NCALD: variants seen among roughly 807,000 people sequenced by gnomAD.
The protein encoded by NCALD is neurocalcin delta.
Under a neutral mutation model 18.6 loss-of-function variants are expected in NCALD, and 10 were observed. The ratio of observed to expected loss-of-function variants is 0.54; its 90% CI spans 0.33 to 0.91. The LOEUF (loss-of-function observed/expected upper bound fraction) is 0.91. Ranked by LOEUF, NCALD falls within the 40% of genes least tolerant of loss-of-function variation. The pLI, the probability that NCALD is intolerant of heterozygous loss-of-function variation, is 0.03. For synonymous variants in NCALD, 88 were observed against 87.4 expected, an observed-to-expected ratio of 1.01 and a Z score of -0.04; for missense variants, 184 against 247.6, an observed-to-expected ratio of 0.74 and a Z score of 1.72.
chr8:101,877,060 C>T (rs1040250769), intron 4 of NCALD, among the ~76,000 whole-genome samples: 2 of 152,270 alleles, frequency 1.3e-5, no homozygotes, highest in African/African-American at 2.4e-5. Context: ...AAAAAATAAA[C>T]GAATTAATAA....
Position 101,865,858 on chromosome 8 carries a change from T to C in NCALD, c.-20+21283A>G, listed in dbSNP as rs1815746214. 2.0e-5 allele frequency among the ~76,000 whole-genome samples: 3 copies of C among 152,340 alleles called. No homozygotes were observed. The South Asian group carries it at 6.2e-4, about 32-fold the overall frequency. On this transcript the variant is annotated intron_variant, in intron 4 of 6. Coordinates refer to the NCALD transcript ENST00000311028. ...GAATATCCTTGTGCCTAAAATACTT[T>C]TTTAGGAGCCACAGACTGTCTTATT...
At chr8:102,065,439 A>C (rs10110783) in intron 1 of NCALD, among the ~76,000 whole-genome samples, 34,926 of 152,028 alleles carry the variant, frequency 0.23, 5,414 homozygotes, top group African/African-American at 0.44. Flanking sequence ...GCTTGCTACA[A>C]ACCTTTGGGA....
At chr8:102,064,861 T>C (rs1823953617) in intron 1 of NCALD, among the ~76,000 whole-genome samples, 1 of 152,004 alleles carries the variant, frequency 6.6e-6, no homozygotes, top group Admixed American at 6.6e-5. Flanking sequence ...CTTTGGCACT[T>C]TGCTCTTCCC....
At chr8:102,002,175 G>C (rs1821500389) in intron 2 of NCALD, among the ~76,000 whole-genome samples, 3 of 152,182 alleles carry the variant, frequency 2.0e-5, no homozygotes, top group African/African-American at 7.2e-5. Context: ...TAAAGGGATG[G>C]AGGAAGATCT....
chr8:101,818,875 C>G (rs1365447289), intron 4 of NCALD, among the ~76,000 whole-genome samples: 2 of 152,044 alleles, frequency 1.3e-5, no homozygotes, highest in Non-Finnish European at 2.9e-5. Flanking sequence ...CATGGTAGCA[C>G]ATGCCTGTAA....
chr8:101,999,948 C>T (rs1188100266), intron 2 of NCALD, among the ~76,000 whole-genome samples: 4 of 152,150 alleles, frequency 2.6e-5, no homozygotes, highest in Non-Finnish European at 5.9e-5. Flanking sequence ...TCTACAGCTC[C>T]CTGCATGAGC....
At chr8:102,026,726 A>T (rs1342907158) in intron 1 of NCALD, among the ~76,000 whole-genome samples, 1 of 152,180 alleles carries the variant, frequency 6.6e-6, no homozygotes. Context: ...TCCACTAGGC[A>T]GTGCCCCAGT....
chr8:101,785,013 T>C (rs1160906954), intron 1 of NCALD, among the ~76,000 whole-genome samples: 2 of 152,190 alleles, frequency 1.3e-5, no homozygotes, highest in Non-Finnish European at 2.9e-5. Context: ...CTCTGCTGTA[T>C]ATTCCAAGTT....
intron 1 of NCALD, among the ~76,000 whole-genome samples, chr8:102,038,725 A>G (rs563032557): frequency 1.3e-5 from 2 of 152,322 alleles, no homozygotes; most frequent in East Asian, 3.9e-4. Context: ...ACACAAGCAC[A>G]GTGGGCAGAA....
intron 1 of NCALD, among the ~76,000 whole-genome samples, chr8:102,079,512 A>C (rs1028527924): frequency 6.6e-6 from 1 of 152,188 alleles, no homozygotes; most frequent in Admixed American, 6.5e-5. Flanking sequence ...CTATACATGG[A>C]ATCCACTCTT....
intron 4 of NCALD, among the ~76,000 whole-genome samples, chr8:101,876,104 G>C (rs559981051): frequency 1.2e-4 from 18 of 152,278 alleles, no homozygotes; most frequent in Middle Eastern, 3.4e-3. Context: ...GGTCAAGCTA[G>C]GATGACTGTG....
intron 1 of NCALD, among the ~76,000 whole-genome samples, chr8:102,104,123 T>G (rs1292378110): frequency 6.6e-6 from 1 of 152,196 alleles, no homozygotes; most frequent in Admixed American, 6.5e-5. Context: ...TGGTTTAACC[T>G]CCACACGACT....
intron 3 of NCALD, among the ~76,000 whole-genome samples, chr8:101,905,328 T>C (rs1817575986): frequency 1.3e-5 from 2 of 151,998 alleles, no homozygotes; most frequent in Non-Finnish European, 1.5e-5. Context: ...TCCCTGGGGG[T>C]ATTTTTTTGA....
intron 3 of NCALD, 101 bp downstream of exon 3, chr8:101,692,690 C>T (rs565522473): frequency 1.3e-4 from 191 of 1,416,096 alleles, no homozygotes; most frequent in Non-Finnish European, 1.7e-4. Context: ...GAGGATGAGC[C>T]GCTCACATTG....
chr8:101,805,389 C>A lies in NCALD; in HGVS notation c.-20+81752G>T, dbSNP rs113651858. Among the ~76,000 whole-genome samples the A allele has an allele frequency of 5.7e-3, 869 of 152,256 alleles. 11 individuals carry two copies. The highest frequency in any genetic ancestry group is 0.018 in the African/African-American group (764 of 41,540). On this transcript the variant is annotated intron_variant, in intron 4 of 6. Coordinates refer to the NCALD transcript ENST00000311028. Reference sequence around the variant, plus strand: ...TTCAGCTCTAAGGTTAGTGAGTGCACCCAAGAGGTTGGAGACTCCCTTGTT... The same window carrying A: ...TTCAGCTCTAAGGTTAGTGAGTGCAACCAAGAGGTTGGAGACTCCCTTGTT...
At chr8:101,796,685 T>C (rs1563778507) in intron 4 of NCALD, among the ~76,000 whole-genome samples, 1 of 152,024 alleles carries the variant, frequency 6.6e-6, no homozygotes, top group East Asian at 1.9e-4. Flanking sequence ...CATTGGAATA[T>C]GATGAAAGGC....
chr8:101,804,500 A>G (rs1274918827), intron 4 of NCALD, among the ~76,000 whole-genome samples: 1 of 117,428 alleles, frequency 8.5e-6, no homozygotes, highest in African/African-American at 4.7e-5. Context: ...AATTAATATA[A>G]TTAATTATAT....
At chr8:101,791,458 A>G (rs571554624), upstream of NCALD, among the ~76,000 whole-genome samples, 82 of 152,252 alleles carry the variant, frequency 5.4e-4, 1 homozygote, top group Admixed American at 5.4e-3. Flanking sequence ...GAGGGGTTGG[A>G]AGAAAATGTA....
chr8:101,974,487 A>G lies in NCALD; in HGVS notation c.-157+45750T>C, dbSNP rs898387037. 2.0e-5 allele frequency among the ~76,000 whole-genome samples: 3 copies of G among 152,200 alleles called. No homozygotes were observed. In the South Asian group the frequency reaches 6.2e-4, roughly 31 times the overall value. On this transcript the variant is annotated intron_variant, in intron 2 of 6. Transcript: ENST00000311028. The stretch of plus-strand genomic sequence containing the variant: ...TATATTATCATGGCCCTTTGACAAG[A>G]AAATACAAGCACAGAAAGGACAGGC...
Sources: allele counts gnomAD v4.1 joint callset (sites outside exome capture counted in the v4.1 genomes callset), GRCh38; gene constraint gnomAD v4.1.1; transcripts MANE v1.5; gene names NCBI Gene and HGNC (gene_info 2026-07-23, HGNC 2026-07-21).